GARS1: variants seen among roughly 807,000 people sequenced by gnomAD.
The protein encoded by GARS1 is glycine--tRNA ligase.
GARS1 carries 46 observed loss-of-function variants against 86.4 expected under a neutral mutation model. The ratio of observed to expected loss-of-function variants is 0.53; its 90% CI spans 0.42 to 0.68. The LOEUF (loss-of-function observed/expected upper bound fraction) is 0.68. Among genes scored for constraint, GARS1 ranks in the 30% least tolerant of loss-of-function variants. The probability of loss-of-function intolerance (pLI) is 0.00; values close to 1 mark genes in which losing one functional copy is unlikely to be tolerated. For synonymous variants in GARS1, 342 were observed against 329.8 expected, an observed-to-expected ratio of 1.04 and a Z score of -0.40; for missense variants, 797 against 915.6, an observed-to-expected ratio of 0.87 and a Z score of 1.67.
chr7:30,602,036 C>T (rs942791459), intron 4 of GARS1, among the ~76,000 whole-genome samples: 1 of 150,054 alleles, frequency 6.7e-6, no homozygotes, highest in Non-Finnish European at 1.5e-5. Context: ...CCCGCCTCGG[C>T]CTCCCAAAGT....
At chr7:30,605,929 T>C (rs1342932315) in intron 6 of GARS1, among the ~76,000 whole-genome samples, 1 of 152,222 alleles carries the variant, frequency 6.6e-6, no homozygotes, top group Non-Finnish European at 1.5e-5. Context: ...GTCTATACTT[T>C]GTGATAGGTT....
chr7:30,633,796 TG>T lies in GARS1; in HGVS notation c.2158del (p.Glu720ArgfsTer28). 6.2e-7 allele frequency: 1 copy of T among 1,613,808 alleles called. No individual in the cohort carries two copies. Among genetic ancestry groups the T allele is most frequent in the Non-Finnish European group, 8.5e-7 (1 of 1,179,846 alleles). ...AATGGCAACATCACATGGGCTGATGTGGAGGCCAGGTATCCTCTGTTTGAAG... is the reference window on the plus strand; with the variant it reads ...AATGGCAACATCACATGGGCTGATGTGAGGCCAGGTATCCTCTGTTTGAAG... The part of the protein sequence containing the change: ...LANGNITWAD[V>X]EARYPLFEGQ... On this transcript the variant is annotated frameshift_variant, in exon 17 of 17. Transcript: ENST00000389266. LOFTEE classifies it high-confidence loss of function.
intron 7 of GARS1, among the ~76,000 whole-genome samples, chr7:30,611,726 C>T (rs879672093): frequency 3.9e-5 from 6 of 152,136 alleles, no homozygotes; most frequent in Admixed American, 6.5e-5. Context: ...TCAGGTGATC[C>T]GCCCACTTCA....
chr7:30,597,248 A>G, intron 1 of GARS1, among the ~76,000 whole-genome samples: 1 of 152,166 alleles, frequency 6.6e-6, no homozygotes, highest in East Asian at 1.9e-4. Context: ...CCAATGCATG[A>G]TGTTATGAAA....
chr7:30,595,236 C>A lies in GARS1; in HGVS notation c.222+93C>A, dbSNP rs931768382. ...TCCCTCCTCCCCGGGGAACTGTCCT[C>A]CTCTTCGGTTACCCCTTTCTTTCCC... On this transcript the variant is annotated intron_variant, in intron 1 of 16. Coordinates refer to ENST00000389266, the MANE Select transcript of GARS1 (RefSeq NM_002047.4). 5 of 1,178,926 alleles carry A rather than the reference C, an allele frequency of 4.2e-6. No individual in the cohort carries two copies. In the African/African-American group the frequency reaches 6.0e-5, roughly 14 times the overall value. The allele number at this position is 1,178,926 out of a possible 1,614,324, so 73.0% of individuals were successfully genotyped here. A position where few individuals can be genotyped will look rare whatever the true frequency, so the allele number is the denominator to read the frequency against.
At chr7:30,611,649 T>A (rs1214797843) in intron 7 of GARS1, among the ~76,000 whole-genome samples, 2 of 152,204 alleles carry the variant, frequency 1.3e-5, no homozygotes, top group African/African-American at 4.8e-5. Flanking sequence ...CACGCCTGGC[T>A]AATTTTGTGT....
At chr7:30,631,715 G>A (rs1365210264) in intron 15 of GARS1, among the ~76,000 whole-genome samples, 174 bp downstream of exon 15, 1 of 152,180 alleles carries the variant, frequency 6.6e-6, no homozygotes, top group Non-Finnish European at 1.5e-5. Flanking sequence ...GGATATGCTT[G>A]CTCAGATGTT....
intron 1 of GARS1, among the ~76,000 whole-genome samples, chr7:30,597,842 A>G (rs1791286014): frequency 6.6e-6 from 1 of 152,244 alleles, no homozygotes; most frequent in African/African-American, 2.4e-5. Flanking sequence ...CCCAAGGGCT[A>G]TATCAATTTA....
Position 30,617,216 on chromosome 7 carries a change from A to G in GARS1, c.1297A>G (p.Met433Val). ...SPDKLRFRQH[M>V]ENEMAHYACD... ...AGATAAACTCCGCTTCCGGCAGCAC[A>G]TGGAGAATGAGATGGCCCATTATGC... Residue 433 changes from methionine (M) to valine (V), a missense_variant, in exon 10 of 17, where the codon ATG (methionine) becomes GTG (valine). This residue lies in a region of GARS1 where 598 missense variants were observed against 738.7 expected (regional missense o/e 0.81). Coordinates refer to ENST00000389266, the MANE Select transcript of GARS1 (RefSeq NM_002047.4). The G allele has an allele frequency of 3.1e-6, 5 of 1,613,990 alleles. No individual in the cohort carries two copies. The highest frequency in any genetic ancestry group is 1.1e-5 in the South Asian group (1 of 91,072).
chr7:30,601,255 A>AGTT, intron 4 of GARS1, 55 bp downstream of exon 4: 1 of 1,410,482 alleles, frequency 7.1e-7, no homozygotes, highest in Non-Finnish European at 9.8e-7. Flanking sequence ...TAACTTATTA[A>AGTT]ATTATTTAAT....
intron 1 of GARS1, among the ~76,000 whole-genome samples, chr7:30,597,061 A>G (rs1428789783): frequency 6.6e-6 from 1 of 152,218 alleles, no homozygotes; most frequent in Non-Finnish European, 1.5e-5. Context: ...TAAAATTCAA[A>G]CTTTGGGGAA....
At chr7:30,594,820 G>A, upstream of GARS1, 2 of 1,014,644 alleles carry the variant, frequency 2.0e-6, no homozygotes, top group Non-Finnish European at 2.9e-6. Flanking sequence ...GCGGCAGCAC[G>A]CGCGCCGCGT....
chr7:30,603,130 T>C lies in GARS1; in HGVS notation c.658+8T>C. 6.3e-7 allele frequency: 1 copy of C among 1,593,972 alleles called. No individual in the cohort carries two copies. The highest frequency in any genetic ancestry group is 1.1e-5 in the South Asian group (1 of 90,694). On this transcript the variant is annotated splice_region_variant and intron_variant, in intron 5 of 16. Coordinates refer to ENST00000389266, the MANE Select transcript of GARS1 (RefSeq NM_002047.4). ...CTGACCATCTATTAAAAGGTGAGGT[T>C]CTTCATCTCCTTCAGGTAGGATTGA...
intron 8 of GARS1, among the ~76,000 whole-genome samples, 196 bp from the exon 9 acceptor site, chr7:30,615,700 C>A (rs1782877232): frequency 6.6e-6 from 1 of 152,092 alleles, no homozygotes; most frequent in South Asian, 2.1e-4. Flanking sequence ...ATAAAAATAA[C>A]AACTACCCAG....
At chr7:30,628,965 A>G (rs1211440753) in intron 14 of GARS1, among the ~76,000 whole-genome samples, 1 of 152,200 alleles carries the variant, frequency 6.6e-6, no homozygotes, top group Non-Finnish European at 1.5e-5. Context: ...AAGGAATGGT[A>G]CTTTCTGGAT....
At chr7:30,616,196 G>C in intron 9 of GARS1, 138 bp downstream of exon 9, 1 of 883,730 alleles carries the variant, frequency 1.1e-6, no homozygotes, top group Non-Finnish European at 1.8e-6. Flanking sequence ...GTTTTGTACA[G>C]AATTTGTTAT....
At chr7:30,620,058 C>T (rs552546905) in intron 10 of GARS1, among the ~76,000 whole-genome samples, 72 of 151,550 alleles carry the variant, frequency 4.8e-4, no homozygotes, top group Non-Finnish European at 6.5e-4. Context: ...ATTAGAGACA[C>T]GAACCACTGT....
At chr7:30,599,866 G>A (rs1337766119) in intron 2 of GARS1, 81 bp from the exon 3 acceptor site, 3 of 882,414 alleles carry the variant, frequency 3.4e-6, no homozygotes, top group Non-Finnish European at 5.5e-6. Context: ...ATTCTGGTGA[G>A]GAATAAACTA....
At chr7:30,595,831 G>C (rs1222257929) in intron 1 of GARS1, 1 of 471,154 alleles carries the variant, frequency 2.1e-6, no homozygotes, top group Non-Finnish European at 4.4e-6. Flanking sequence ...AAGGCCGTTT[G>C]GAACCAGTGA....
Sources: allele counts gnomAD v4.1 joint callset (sites outside exome capture counted in the v4.1 genomes callset), GRCh38; gene constraint gnomAD v4.1.1; regional missense constraint gnomAD v4.1.1; transcripts MANE v1.5; gene names NCBI Gene and HGNC (gene_info 2026-07-23, HGNC 2026-07-21).